EIF3H: variants seen among roughly 807,000 people sequenced by gnomAD.
The protein encoded by EIF3H is eukaryotic translation initiation factor 3 subunit H.
Under a neutral mutation model 44.2 loss-of-function variants are expected in EIF3H, and 26 were observed. The observed-to-expected ratio is 0.59, with a 90% confidence interval of 0.43 to 0.82. The LOEUF (loss-of-function observed/expected upper bound fraction) is 0.82, where lower values mean the gene tolerates loss of function less well. Ranked by LOEUF, EIF3H falls within the 40% of genes least tolerant of loss-of-function variation. EIF3H has a pLI of 0.00. For synonymous variants in EIF3H, 166 were observed against 151.9 expected (o/e 1.09, Z -0.68); for missense variants, 359 against 432.8 (o/e 0.83, Z 1.51).
At chr8:116,692,726 CTG>C (rs1252965318) in intron 2 of EIF3H, among the ~76,000 whole-genome samples, 1 of 152,090 alleles carries the variant, frequency 6.6e-6, no homozygotes, top group Non-Finnish European at 1.5e-5. Context: ...TTTTAAAAGA[CTG>C]TATTCGTAAT....
chr8:116,741,542 A>C (rs1815133546), intron 1 of EIF3H, among the ~76,000 whole-genome samples: 1 of 152,246 alleles, frequency 6.6e-6, no homozygotes, highest in Non-Finnish European at 1.5e-5. Flanking sequence ...CTGAAATAAA[A>C]AAGACAAAGC....
chr8:116,748,242 T>G (rs1030552789), intron 1 of EIF3H, among the ~76,000 whole-genome samples: 1 of 151,752 alleles, frequency 6.6e-6, no homozygotes, highest in Non-Finnish European at 1.5e-5. Flanking sequence ...TGAATAACCA[T>G]CAGGTAGGTA....
At chr8:116,745,926 A>G (rs1042896115) in intron 1 of EIF3H, among the ~76,000 whole-genome samples, 24 of 145,204 alleles carry the variant, frequency 1.7e-4, no homozygotes, top group African/African-American at 4.0e-4. Flanking sequence ...GTCTCAAAGG[A>G]AAAAAAAAAA....
chr8:116,733,015 C>A (rs1195752726), intron 1 of EIF3H, among the ~76,000 whole-genome samples: 2 of 152,188 alleles, frequency 1.3e-5, no homozygotes, highest in Non-Finnish European at 2.9e-5. Context: ...AGATGCCAAT[C>A]CCAAATCCAG....
chr8:116,761,521 AATAC>A (rs929528045), intron 1 of EIF3H, among the ~76,000 whole-genome samples: 21 of 150,884 alleles, frequency 1.4e-4, no homozygotes, highest in African/African-American at 4.1e-4. Context: ...CAAAAAAATA[AATAC>A]ATACATACAT....
chr8:116,725,894 T>C, intron 2 of EIF3H, 122 bp downstream of exon 2: 1 of 1,175,274 alleles, frequency 8.5e-7, no homozygotes, highest in Non-Finnish European at 1.2e-6. Flanking sequence ...GTATCAGACA[T>C]CAAGTGAAGT....
At chr8:116,676,827 GATT>G (rs1361217041) in intron 2 of EIF3H, among the ~76,000 whole-genome samples, 1 of 152,082 alleles carries the variant, frequency 6.6e-6, no homozygotes, top group Non-Finnish European at 1.5e-5. Flanking sequence ...GCTTTCATAA[GATT>G]AGCCCTAAAT....
chr8:116,762,883 G>A (rs1815532330), intron 1 of EIF3H, among the ~76,000 whole-genome samples: 1 of 152,168 alleles, frequency 6.6e-6, no homozygotes, highest in Admixed American at 6.5e-5. Context: ...GGTGGAGGCT[G>A]CAGTGAGCCA....
intron 2 of EIF3H, among the ~76,000 whole-genome samples, chr8:116,714,468 C>A (rs1459347689): frequency 6.6e-6 from 1 of 152,000 alleles, no homozygotes; most frequent in Non-Finnish European, 1.5e-5. Flanking sequence ...GATTTGGTGT[C>A]TTTGTATCTT....
intron 2 of EIF3H, among the ~76,000 whole-genome samples, chr8:116,697,941 A>G (rs1055099389): frequency 2.0e-5 from 3 of 152,224 alleles, no homozygotes; most frequent in Non-Finnish European, 4.4e-5. Context: ...AAATAACAAT[A>G]TCTACTACAC....
At chr8:116,689,053 A>G in intron 2 of EIF3H, 1 of 433,976 alleles carries the variant, frequency 2.3e-6, no homozygotes, top group South Asian at 1.7e-5. Context: ...ATGAATAACA[A>G]AAACGTATTA....
intron 1 of EIF3H, among the ~76,000 whole-genome samples, chr8:116,754,666 CT>C (rs11334894): frequency 0.88 from 134,112 of 152,274 alleles, 59,285 homozygotes; most frequent in African/African-American, 0.93. Context: ...GCTAACTTGC[CT>C]TAAAGTCACA....
At chr8:116,680,698 G>GAA (rs1813969300) in intron 2 of EIF3H, among the ~76,000 whole-genome samples, 1 of 137,110 alleles carries the variant, frequency 7.3e-6, no homozygotes, top group Non-Finnish European at 1.6e-5. Context: ...GCGGAAGGCC[G>GAA]CAGGGTCCTC....
At chr8:116,661,565 A>G (rs113153334) in intron 2 of EIF3H, among the ~76,000 whole-genome samples, 128 of 152,346 alleles carry the variant, frequency 8.4e-4, no homozygotes, top group African/African-American at 2.8e-3. Flanking sequence ...AAACGCTATT[A>G]TTCCACATTG....
rs1043800395 is a variant in EIF3H at position 116,659,657 on chromosome 8, G to A, written c.290-677C>T. On this transcript the variant is annotated intron_variant, in intron 2 of 7. Coordinates refer to ENST00000521861, the MANE Select transcript of EIF3H (RefSeq NM_003756.3). ...AGTTATATTTTAATGACCATGTATA[G>A]AATGAAAAGGTTTAGTGACTTTTAC... Among the ~76,000 whole-genome samples, 93 of 152,174 alleles carry A rather than the reference G, an allele frequency of 6.1e-4. 1 individual carries two copies. The highest frequency in any genetic ancestry group is 2.2e-3 in the African/African-American group (90 of 41,512).
intron 2 of EIF3H, among the ~76,000 whole-genome samples, chr8:116,699,134 CA>C (rs11358166): frequency 0.73 from 104,147 of 142,030 alleles, 37,802 homozygotes; most frequent in Middle Eastern, 0.78. Context: ...GAACCTGTCT[CA>C]AAAAAAAAAA....
chr8:116,705,998 G>A (rs972833114), intron 2 of EIF3H, among the ~76,000 whole-genome samples: 9 of 149,884 alleles, frequency 6.0e-5, no homozygotes, highest in Admixed American at 3.3e-4. Flanking sequence ...TGTTTACAAA[G>A]GTTATCTAGC....
intron 5 of EIF3H, among the ~76,000 whole-genome samples, chr8:116,653,682 GAAAT>G (rs1366754065): frequency 6.6e-6 from 1 of 151,996 alleles, no homozygotes; most frequent in African/African-American, 2.4e-5. Context: ...TTTAAAAGAG[GAAAT>G]AAAAACAGAA....
At chr8:116,685,496 T>C (rs1563642452) in intron 2 of EIF3H, among the ~76,000 whole-genome samples, 1 of 152,212 alleles carries the variant, frequency 6.6e-6, no homozygotes, top group East Asian at 1.9e-4. Context: ...TTCTCCCATA[T>C]GACTGCTGAT....
Sources: gnomAD v4.1 joint callset for allele counts (sites outside exome capture counted in the v4.1 genomes callset) on GRCh38, gnomAD v4.1.1 for gene constraint, MANE v1.5 for transcripts, NCBI Gene and HGNC (gene_info 2026-07-23, HGNC 2026-07-21) for gene names.